The following HS6ST3 variants were observed in gnomAD, a reference collection of about 807,000 sequenced individuals.
HS6ST3 encodes the protein heparan-sulfate 6-O-sulfotransferase 3.
Under a neutral mutation model 36.7 loss-of-function variants are expected in HS6ST3, and 12 were observed. That is an observed-to-expected ratio of 0.33 (90% CI 0.21 to 0.53). The LOEUF (loss-of-function observed/expected upper bound fraction) is 0.53, where lower values mean the gene tolerates loss of function less well. HS6ST3 is among the 20% of genes least tolerant of loss of function. HS6ST3 has a pLI of 0.95. For missense variants in HS6ST3, 584 were observed against 640.9 expected (o/e 0.91, Z 0.96); for synonymous variants, 240 against 257.5 (o/e 0.93, Z 0.65).
chr13:96,406,283 A>G (rs941484242), intron 1 of HS6ST3, among the ~76,000 whole-genome samples: 2 of 152,218 alleles, frequency 1.3e-5, no homozygotes, highest in Admixed American at 6.5e-5. Context: ...TTTGAAGAGA[A>G]TATAAGACTT....
intron 1 of HS6ST3, among the ~76,000 whole-genome samples, chr13:96,134,628 C>A (rs1398362516): frequency 2.0e-5 from 3 of 151,986 alleles, no homozygotes; most frequent in African/African-American, 7.2e-5. Flanking sequence ...TATTCCATTT[C>A]TTTATTATTT....
chr13:96,347,743 A>G (rs532835922), intron 1 of HS6ST3, among the ~76,000 whole-genome samples: 14 of 152,190 alleles, frequency 9.2e-5, no homozygotes, highest in East Asian at 3.9e-4. Context: ...CCCTTTTGCT[A>G]TATCTTTCTT....
intron 1 of HS6ST3, among the ~76,000 whole-genome samples, chr13:96,696,397 T>C (rs999594332): frequency 6.6e-6 from 1 of 152,190 alleles, no homozygotes; most frequent in Non-Finnish European, 1.5e-5. Flanking sequence ...TTAGTATTGA[T>C]TGAATAACTG....
At chr13:96,749,297 G>GA (rs1050906948) in intron 1 of HS6ST3, among the ~76,000 whole-genome samples, 2 of 151,842 alleles carry the variant, frequency 1.3e-5, no homozygotes, top group African/African-American at 4.8e-5. Flanking sequence ...CATTTTAAGT[G>GA]AAAAAAGCAT....
intron 1 of HS6ST3, among the ~76,000 whole-genome samples, chr13:96,659,838 C>G (rs1350671814): frequency 6.6e-6 from 1 of 152,032 alleles, no homozygotes; most frequent in African/African-American, 2.4e-5. Context: ...ACTATCTCTT[C>G]TGTTGATACA....
intron 1 of HS6ST3, among the ~76,000 whole-genome samples, chr13:96,608,018 G>T (rs147821421): frequency 6.6e-6 from 1 of 152,132 alleles, no homozygotes; most frequent in Non-Finnish European, 1.5e-5. Context: ...TTAGATCCAT[G>T]TTAAAAGTTG....
At chr13:96,545,801 G>A (rs7139716) in intron 1 of HS6ST3, among the ~76,000 whole-genome samples, 13,041 of 152,138 alleles carry the variant, frequency 0.086, 1,030 homozygotes, top group African/African-American at 0.21. Flanking sequence ...GCTACTTCGA[G>A]AGCCAGCGGA....
At chr13:96,479,717 C>T (rs1288037885) in intron 1 of HS6ST3, among the ~76,000 whole-genome samples, 1 of 152,208 alleles carries the variant, frequency 6.6e-6, no homozygotes, top group Non-Finnish European at 1.5e-5. Context: ...GCTATAAAAA[C>T]ATGACCCACA....
intron 1 of HS6ST3, among the ~76,000 whole-genome samples, chr13:96,735,717 A>T (rs1378111516): frequency 6.6e-6 from 1 of 152,192 alleles, no homozygotes; most frequent in Admixed American, 6.5e-5. Flanking sequence ...GAGTAAAATC[A>T]GTACAAGTGG....
chr13:96,631,930 C>G (rs1046552435), intron 1 of HS6ST3, among the ~76,000 whole-genome samples: 5 of 152,140 alleles, frequency 3.3e-5, no homozygotes, highest in African/African-American at 1.2e-4. Flanking sequence ...GCAGATGTGT[C>G]TGGAAATCTA....
At chr13:96,119,420 T>TA (rs2139305333) in intron 1 of HS6ST3, among the ~76,000 whole-genome samples, 1 of 152,280 alleles carries the variant, frequency 6.6e-6, no homozygotes, top group South Asian at 2.1e-4. Context: ...TAATAATAGA[T>TA]ATTGATTTAC....
intron 1 of HS6ST3, among the ~76,000 whole-genome samples, chr13:96,222,336 T>C (rs551974981): frequency 2.0e-5 from 3 of 152,238 alleles, no homozygotes; most frequent in Non-Finnish European, 4.4e-5. Context: ...GATGTCTGTA[T>C]TGAAAGGTGA....
intron 1 of HS6ST3, among the ~76,000 whole-genome samples, chr13:96,658,076 G>A (rs2056631838): frequency 6.6e-6 from 1 of 151,884 alleles, no homozygotes; most frequent in Admixed American, 6.6e-5. Flanking sequence ...TGTTAATTTT[G>A]CCTATTCTTA....
At chr13:96,356,795 T>TA (rs2055212559) in intron 1 of HS6ST3, among the ~76,000 whole-genome samples, 1 of 152,208 alleles carries the variant, frequency 6.6e-6, no homozygotes, top group African/African-American at 2.4e-5. Flanking sequence ...AGAGTCAGCT[T>TA]ATCTTTTGAA....
intron 1 of HS6ST3, among the ~76,000 whole-genome samples, chr13:96,299,135 C>T (rs1046791217): frequency 3.0e-4 from 46 of 152,164 alleles, no homozygotes; most frequent in African/African-American, 1.1e-3. Context: ...AATCCAGGCA[C>T]AGGGAAATTC....
chr13:96,369,439 G>A (rs936806531), intron 1 of HS6ST3, among the ~76,000 whole-genome samples: 12 of 152,218 alleles, frequency 7.9e-5, no homozygotes, highest in African/African-American at 2.9e-4. Flanking sequence ...ACAGCTGTCT[G>A]AGGACACCGT....
intron 1 of HS6ST3, among the ~76,000 whole-genome samples, chr13:96,566,161 G>GA (rs998897027): frequency 6.0e-5 from 9 of 150,888 alleles, no homozygotes; most frequent in African/African-American, 9.7e-5. Flanking sequence ...AAATTTCCCA[G>GA]AAAAAAAGAT....
chr13:96,664,551 A>G (rs895105339), intron 1 of HS6ST3, among the ~76,000 whole-genome samples: 2 of 151,984 alleles, frequency 1.3e-5, no homozygotes, highest in African/African-American at 4.8e-5. Context: ...ACCTTCTCCA[A>G]TACTCTACAC....
intron 1 of HS6ST3, among the ~76,000 whole-genome samples, chr13:96,418,173 C>T (rs1323916250): frequency 2.0e-5 from 3 of 152,132 alleles, no homozygotes; most frequent in Non-Finnish European, 2.9e-5. Flanking sequence ...ATGCAAAACA[C>T]ATGGCACTAA....
Sources: gnomAD v4.1 joint callset for allele counts (sites outside exome capture counted in the v4.1 genomes callset) on GRCh38, gnomAD v4.1.1 for gene constraint, MANE v1.5 for transcripts, NCBI Gene and HGNC (gene_info 2026-07-23, HGNC 2026-07-21) for gene names.